Variants in RBFOX1 observed in about 807,000 individuals in gnomAD.
RBFOX1 encodes the protein RNA binding fox-1 homolog 1, also known as RNA binding protein fox-1 homolog 1.
A neutral mutation model predicts 57.7 loss-of-function variants in RBFOX1; 8 were observed. The observed-to-expected ratio is 0.14, with a 90% CI of 0.08 to 0.25. RBFOX1 has a LOEUF of 0.25. Among genes scored for constraint, RBFOX1 ranks in the 10% least tolerant of loss-of-function variants. The pLI is 1.00. For missense variants in RBFOX1, 611 were observed against 548.5 expected (o/e 1.11, Z -1.14); for synonymous variants, 326 against 222.4 (o/e 1.47, Z -4.15).
At chr16:7,275,682 C>T (rs4354959) in intron 4 of RBFOX1, among the ~76,000 whole-genome samples, 56,146 of 152,064 alleles carry the variant, frequency 0.37, 11,671 homozygotes, top group African/African-American at 0.55. Flanking sequence ...TCTGGACACA[C>T]TCTCTCCCAG....
chr16:7,315,091 CTT>C (rs1555699718), intron 4 of RBFOX1, among the ~76,000 whole-genome samples: 2 of 27,002 alleles, frequency 7.4e-5, no homozygotes, highest in African/African-American at 2.1e-4. Context: ...GAGAAAAGCT[CTT>C]TTTTTTTTTT....
intron 1 of RBFOX1, among the ~76,000 whole-genome samples, chr16:5,374,204 C>T (rs1033422423): frequency 6.6e-6 from 1 of 152,214 alleles, no homozygotes; most frequent in Non-Finnish European, 1.5e-5. Flanking sequence ...TTCCAAAGTG[C>T]TGGAATTACA....
intron 3 of RBFOX1, among the ~76,000 whole-genome samples, chr16:6,921,110 A>T (rs1232058827): frequency 6.6e-6 from 1 of 152,146 alleles, no homozygotes; most frequent in African/African-American, 2.4e-5. Context: ...GTGACCATTG[A>T]TAAGTTTCCT....
chr16:5,337,292 G>A (rs1374411535), intron 1 of RBFOX1, among the ~76,000 whole-genome samples: 1 of 152,174 alleles, frequency 6.6e-6, no homozygotes, highest in Non-Finnish European at 1.5e-5. Context: ...TTTTGATTTT[G>A]TAAAAGTGTA....
chr16:6,417,110 C>G (rs1411379435), intron 2 of RBFOX1, among the ~76,000 whole-genome samples: 2 of 152,148 alleles, frequency 1.3e-5, no homozygotes, highest in African/African-American at 2.4e-5. Context: ...CTCCCGGGTT[C>G]AAGCGATTCT....
intron 2 of RBFOX1, among the ~76,000 whole-genome samples, chr16:6,543,238 C>T (rs924518713): frequency 6.6e-6 from 1 of 152,048 alleles, no homozygotes; most frequent in African/African-American, 2.4e-5. Flanking sequence ...CTTTGGATGG[C>T]GTCTCCTCCA....
At chr16:6,827,035 C>A (rs953440616) in intron 3 of RBFOX1, among the ~76,000 whole-genome samples, 1 of 152,134 alleles carries the variant, frequency 6.6e-6, no homozygotes, top group Non-Finnish European at 1.5e-5. Flanking sequence ...GGGGAGAAAG[C>A]AGTTTGGGGG....
At chr16:6,577,207 A>G (rs931157524) in intron 2 of RBFOX1, 3 of 152,224 alleles carry the variant, frequency 2.0e-5, no homozygotes, top group East Asian at 1.9e-4. Context: ...CTTCCCTGCC[A>G]TGACTGAACT....
chr16:5,940,612 C>G (rs1382628305), intron 4 of RBFOX1, among the ~76,000 whole-genome samples: 2 of 152,194 alleles, frequency 1.3e-5, no homozygotes, highest in African/African-American at 4.8e-5. Flanking sequence ...AGAACAGCAC[C>G]AAAAGACTCC....
chr16:5,508,506 C>G (rs1054134204), intron 2 of RBFOX1, among the ~76,000 whole-genome samples: 1 of 152,226 alleles, frequency 6.6e-6, no homozygotes, highest in African/African-American at 2.4e-5. Flanking sequence ...AGGTCCTGCC[C>G]ACTCCCGAGG....
intron 1 of RBFOX1, among the ~76,000 whole-genome samples, chr16:5,449,611 C>T (rs2068359676): frequency 6.6e-6 from 1 of 152,054 alleles, no homozygotes; most frequent in South Asian, 2.1e-4. Flanking sequence ...CATGTTTCAC[C>T]TCTAGCTTTG....
At chr16:7,180,574 A>G (rs956445702) in intron 4 of RBFOX1, among the ~76,000 whole-genome samples, 4 of 152,180 alleles carry the variant, frequency 2.6e-5, no homozygotes, top group Non-Finnish European at 2.9e-5. Context: ...CATTAAGGAT[A>G]GTAACACTGT....
At chr16:6,773,405 CTA>C (rs768316901) in intron 3 of RBFOX1, among the ~76,000 whole-genome samples, 1 of 98,620 alleles carries the variant, frequency 1.0e-5, no homozygotes, top group East Asian at 3.2e-4. Context: ...TTGTGTGTAT[CTA>C]TGTGTATGTG....
chr16:6,125,570 T>A (rs1042118552), intron 1 of RBFOX1, among the ~76,000 whole-genome samples: 11 of 152,198 alleles, frequency 7.2e-5, no homozygotes, highest in Non-Finnish European at 1.0e-4. Flanking sequence ...GCACTTCTCA[T>A]TGGTCAAGGA....
At chr16:5,523,844 G>C (rs182316902) in intron 2 of RBFOX1, among the ~76,000 whole-genome samples, 1 of 152,286 alleles carries the variant, frequency 6.6e-6, no homozygotes, top group Middle Eastern at 3.4e-3. Flanking sequence ...AGCGGCCCCT[G>C]GAGGACCAGG....
intron 2 of RBFOX1, among the ~76,000 whole-genome samples, chr16:5,493,104 C>T (rs933843650): frequency 6.6e-6 from 1 of 152,220 alleles, no homozygotes; most frequent in Admixed American, 6.5e-5. Context: ...GAAGATGTGG[C>T]AGAGACTGTA....
chr16:5,920,222 C>T (rs891125601), intron 4 of RBFOX1, among the ~76,000 whole-genome samples: 3 of 152,232 alleles, frequency 2.0e-5, no homozygotes, highest in African/African-American at 7.2e-5. Flanking sequence ...GCCTGAGCCA[C>T]CACACCCGGC....
chr16:6,717,050 G>C (rs1285778297), intron 3 of RBFOX1, among the ~76,000 whole-genome samples: 1 of 152,136 alleles, frequency 6.6e-6, no homozygotes, highest in Non-Finnish European at 1.5e-5. Flanking sequence ...ACAGTGAGAA[G>C]GCTGCCATGT....
At chr16:5,437,393 C>A (rs1002631566) in intron 1 of RBFOX1, among the ~76,000 whole-genome samples, 3 of 152,074 alleles carry the variant, frequency 2.0e-5, no homozygotes, top group Non-Finnish European at 2.9e-5. Context: ...CTTAAAGAGA[C>A]CTTGAACCAG....
Sources: allele counts gnomAD v4.1 joint callset (sites outside exome capture counted in the v4.1 genomes callset), GRCh38; gene constraint gnomAD v4.1.1; transcripts MANE v1.5; gene names NCBI Gene and HGNC (gene_info 2026-07-23, HGNC 2026-07-21).